The following SF3B6 variants were observed in gnomAD, a reference collection of about 807,000 sequenced individuals.
SF3B6 encodes the protein splicing factor 3b subunit 6, also known as SF3b 14 kDa subunit.
In SF3B6, 3 loss-of-function variants were observed where a neutral mutation model predicts 15.9. That is an observed-to-expected ratio of 0.19 (90% CI 0.09 to 0.49). SF3B6 has a LOEUF of 0.49. Ranked by LOEUF, SF3B6 falls within the 20% of genes least tolerant of loss-of-function variation. The pLI, the probability that SF3B6 is intolerant of heterozygous loss-of-function variation, is 0.97. For missense variants in SF3B6, 71 were observed against 154.3 expected, an observed-to-expected ratio of 0.46 and a Z score of 2.86; for synonymous variants, 49 against 51.1, an observed-to-expected ratio of 0.96 and a Z score of 0.18.
intron 2 of SF3B6, among the ~76,000 whole-genome samples, chr2:24,071,410 G>C (rs1424371165): frequency 6.6e-6 from 1 of 151,838 alleles, no homozygotes; most frequent in Non-Finnish European, 1.5e-5. Flanking sequence ...TTCAAGACCA[G>C]CCTGGCCAAC....
chr2:24,067,938 T>C lies in SF3B6; in HGVS notation c.289-87A>G. 3.8e-6 allele frequency: 4 copies of C among 1,049,234 alleles called. No homozygotes were observed. In the East Asian group the frequency reaches 7.1e-5, roughly 19 times the overall value. 65.0% of individuals were successfully genotyped at this position (1,049,234 alleles called of 1,614,324 possible). A position where few individuals can be genotyped will look rare whatever the true frequency, so the allele number is the denominator to read the frequency against. Reference sequence around the variant, plus strand: ...TAGCATTAGCCAAAAAAGAAAGTCATAGTAGACATATATCATCACAGTACA... The same window carrying C: ...TAGCATTAGCCAAAAAAGAAAGTCACAGTAGACATATATCATCACAGTACA... On this transcript the variant is annotated intron_variant, in intron 3 of 3. Coordinates refer to ENST00000233468, the MANE Select transcript of SF3B6 (RefSeq NM_016047.4).
At chr2:24,073,736 C>T (rs3769665) in intron 2 of SF3B6, 19,061 of 162,686 alleles carry the variant, frequency 0.12, 1,340 homozygotes, top group South Asian at 0.17. Context: ...ACAAAAAACA[C>T]AGTGTAACAA....
intron 3 of SF3B6, 49 bp from the exon 4 acceptor site, chr2:24,067,900 T>C: frequency 1.3e-6 from 2 of 1,518,194 alleles, no homozygotes; most frequent in East Asian, 4.5e-5. Context: ...TACAGCCAAA[T>C]GAATTTCATC....
intron 2 of SF3B6, among the ~76,000 whole-genome samples, chr2:24,073,338 G>A (rs181868408): frequency 6.6e-6 from 1 of 152,220 alleles, no homozygotes; most frequent in African/African-American, 2.4e-5. Flanking sequence ...TCGGGTGTCA[G>A]AGGCTATGGT....
chr2:24,070,660 G>T (rs1327751671), intron 2 of SF3B6, among the ~76,000 whole-genome samples: 1 of 152,134 alleles, frequency 6.6e-6, no homozygotes, highest in Non-Finnish European at 1.5e-5. Context: ...ATTTGACTGG[G>T]ACTGTCCAGG....
rs753231728 is a variant in SF3B6, at chr2:24,076,209, C to T, written c.21G>A (p.Lys7=). The part of the protein sequence containing the change: MAMQAA[K]RANIRLPPEV... Reference sequence around the variant, plus strand: ...AACACCCGATACTCACGTTCGCCCTCTTGGCCGCTTGCATCGCCATCTTGG... The same window carrying T: ...AACACCCGATACTCACGTTCGCCCTTTTGGCCGCTTGCATCGCCATCTTGG... Residue 7 remains lysine (K), a synonymous_variant, in exon 1 of 4, where the codon AAG becomes AAA. Transcript: ENST00000233468. 1 of 1,614,234 alleles carries T rather than the reference C, an allele frequency of 6.2e-7. No homozygotes were observed. The highest frequency in any genetic ancestry group is 8.5e-7 in the Non-Finnish European group (1 of 1,180,038).
At chr2:24,068,643 G>A (rs80094387) in intron 2 of SF3B6, among the ~76,000 whole-genome samples, 184 bp from the exon 3 acceptor site, 1,765 of 152,262 alleles carry the variant, frequency 0.012, 20 homozygotes, top group Non-Finnish European at 0.019. Flanking sequence ...TAGATATACC[G>A]GATAAGCCTG....
At chr2:24,072,611 A>C (rs1664675039) in intron 2 of SF3B6, among the ~76,000 whole-genome samples, 3 of 152,256 alleles carry the variant, frequency 2.0e-5, no homozygotes, top group Admixed American at 6.5e-5. Flanking sequence ...TGTATTTCAT[A>C]GATAATTGAA....
chr2:24,072,631 AG>A (rs1664675542), intron 2 of SF3B6, among the ~76,000 whole-genome samples: 1 of 152,254 alleles, frequency 6.6e-6, no homozygotes, highest in Non-Finnish European at 1.5e-5. Context: ...AACCCAGATA[AG>A]GTTAAATATT....
chr2:24,068,468 G>GT lies in SF3B6; in HGVS notation c.150-10dup. ...TTTCAGGTGTGTTCCCCCTGGAGAGGTAAGTTAAACTTAATTAAGATATAC... is the reference window on the plus strand; with the variant it reads ...TTTCAGGTGTGTTCCCCCTGGAGAGGTTAAGTTAAACTTAATTAAGATATAC... On this transcript the variant is annotated splice_polypyrimidine_tract_variant and intron_variant, in intron 2 of 3. Coordinates refer to ENST00000233468, the MANE Select transcript of SF3B6 (RefSeq NM_016047.4). The GT allele has an allele frequency of 1.2e-6, 2 of 1,600,918 alleles. No individual in the cohort carries two copies. The highest frequency in any genetic ancestry group is 1.7e-6 in the Non-Finnish European group (2 of 1,173,968).
At chr2:24,067,991 GTC>G in intron 3 of SF3B6, 140 bp from the exon 4 acceptor site, 6 of 764,906 alleles carry the variant, frequency 7.8e-6, no homozygotes, top group South Asian at 6.7e-5. Flanking sequence ...TTGAGACGGA[GTC>G]TCTCTGTTGC....
chr2:24,068,458 C>A lies in SF3B6; in HGVS notation c.151G>T (p.Gly51Trp), dbSNP rs1276882808. The A allele has an allele frequency of 6.2e-7, 1 of 1,606,494 alleles. No homozygotes were observed. Among genetic ancestry groups the A allele is most frequent in the Admixed American group, 1.7e-5 (1 of 57,920 alleles). Reference protein sequence around the residue: ...KYGPIRQIRVGNTPETRGTAY... With the variant: ...KYGPIRQIRVWNTPETRGTAY... ...GTTCCTCTAGTTTCAGGTGTGTTCC[C>A]CCTGGAGAGGTAAGTTAAACTTAAT... Residue 51 changes from glycine to tryptophan, a missense_variant and splice_region_variant, in exon 3 of 4, where the codon GGG (glycine) becomes TGG (tryptophan). By Grantham distance (184) the Gly-to-Trp change is radical (BLOSUM62 -2). Around this residue, in one of 3 missense-constraint regions of SF3B6, gnomAD observed 52 missense variants for 113.2 expected, o/e 0.46. Coordinates refer to ENST00000233468, the MANE Select transcript of SF3B6 (RefSeq NM_016047.4).
intron 2 of SF3B6, among the ~76,000 whole-genome samples, chr2:24,069,584 T>G (rs978017315): frequency 6.6e-6 from 1 of 152,068 alleles, no homozygotes; most frequent in Non-Finnish European, 1.5e-5. Flanking sequence ...GTGGGCTGAC[T>G]CTCCATCTGC....
rs114341989 is a variant in SF3B6, at chr2:24,075,616, C to T, written c.30+584G>A. On this transcript the variant is annotated intron_variant, in intron 1 of 3. Transcript: ENST00000233468. The stretch of plus-strand genomic sequence containing the variant: ...TTTTAAAAGTTTCCGTAACACTGTA[C>T]TCTCAAACACTAGAATGTAAGCAGA... 9.2e-3 allele frequency among the ~76,000 whole-genome samples: 1,396 copies of T among 151,208 alleles called. 7 individuals are homozygous for T. The highest frequency in any genetic ancestry group is 0.013 in the Non-Finnish European group (915 of 67,890).
intron 2 of SF3B6, among the ~76,000 whole-genome samples, chr2:24,069,001 C>T (rs1664608132): frequency 6.6e-6 from 1 of 152,184 alleles, no homozygotes; most frequent in African/African-American, 2.4e-5. Flanking sequence ...CATGTGCCAC[C>T]ATGCCCAGCT....
chr2:24,069,971 G>C (rs1046290201), intron 2 of SF3B6, among the ~76,000 whole-genome samples: 1 of 152,192 alleles, frequency 6.6e-6, no homozygotes, highest in Admixed American at 6.5e-5. Flanking sequence ...ATACGCCTTT[G>C]AAAAGTGGAG....
chr2:24,067,668 T>C lies in SF3B6; in HGVS notation c.*94A>G. 9.9e-7 allele frequency: 1 copy of C among 1,012,940 alleles called. No homozygotes were observed. Among genetic ancestry groups the C allele is most frequent in the Non-Finnish European group, 1.5e-6 (1 of 672,812 alleles). 62.7% of individuals were successfully genotyped at this position (1,012,940 alleles called of 1,614,324 possible). A position where few individuals can be genotyped will look rare whatever the true frequency, so the allele number is the denominator to read the frequency against. On this transcript the variant is annotated 3_prime_UTR_variant, in exon 4 of 4. Coordinates refer to ENST00000233468, the MANE Select transcript of SF3B6 (RefSeq NM_016047.4). Reference sequence around the variant, plus strand: ...CAAGCAGGTCATTTTGAACCTCAAATAAGAAATCACAATATTTAGTATTAA... The same window carrying C: ...CAAGCAGGTCATTTTGAACCTCAAACAAGAAATCACAATATTTAGTATTAA...
Position 24,076,324 on chromosome 2 carries a change from A to C in SF3B6, c.-95T>G, listed in dbSNP as rs1404908155. On this transcript the variant is annotated 5_prime_UTR_variant, in exon 1 of 4. Coordinates refer to ENST00000233468, the MANE Select transcript of SF3B6 (RefSeq NM_016047.4). The stretch of plus-strand genomic sequence containing the variant: ...TACACCGCGTTAGATGCAGGACATC[A>C]ACATCCAGGACCCGCCGGAAGCTGT... 1.4e-6 allele frequency: 2 copies of C among 1,467,214 alleles called. No homozygotes were observed. Among genetic ancestry groups the C allele is most frequent in the Non-Finnish European group, 9.6e-7 (1 of 1,046,520 alleles). The allele number at this position is 1,467,214 out of a possible 1,614,324, so 90.9% of individuals were successfully genotyped here.
chr2:24,073,989 A>G, intron 2 of SF3B6, 87 bp downstream of exon 2: 1 of 837,246 alleles, frequency 1.2e-6, no homozygotes. Flanking sequence ...CGCACTGCAC[A>G]CAGCACAGGG....
Sources: allele counts gnomAD v4.1 joint callset (sites outside exome capture counted in the v4.1 genomes callset), GRCh38; gene constraint gnomAD v4.1.1; regional missense constraint gnomAD v4.1.1; transcripts MANE v1.5; gene names NCBI Gene and HGNC (gene_info 2026-07-23, HGNC 2026-07-21).